The following DDX10 variants were observed in gnomAD, a reference collection of about 807,000 sequenced individuals.
The protein encoded by DDX10 is DEAD-box helicase 10.
DDX10 carries 74 observed loss-of-function variants against 104.3 expected under a neutral mutation model. The observed-to-expected ratio is 0.71, with a 90% CI of 0.59 to 0.86. The LOEUF is 0.86. DDX10 is among the 40% of genes least tolerant of loss of function. DDX10 has a pLI of 0.00. For synonymous variants in DDX10, 351 were observed against 353.4 expected (o/e 0.99, Z 0.08); for missense variants, 952 against 1,040.0 (o/e 0.92, Z 1.16).
intron 13 of DDX10, among the ~76,000 whole-genome samples, chr11:108,813,967 G>C (rs1216523255): frequency 1.3e-5 from 2 of 152,094 alleles, no homozygotes; most frequent in Non-Finnish European, 1.5e-5. Context: ...TTTCTTGTCA[G>C]AGTTTTCTGA....
chr11:108,687,074 T>G (rs1379883537), intron 6 of DDX10, among the ~76,000 whole-genome samples: 1 of 152,166 alleles, frequency 6.6e-6, no homozygotes, highest in Non-Finnish European at 1.5e-5. Flanking sequence ...CATGAGTCAC[T>G]GCGCCCGGCC....
chr11:108,736,644 C>T (rs1448683802), intron 13 of DDX10, among the ~76,000 whole-genome samples: 1 of 152,128 alleles, frequency 6.6e-6, no homozygotes, highest in Non-Finnish European at 1.5e-5. Flanking sequence ...AAAAAGGCTT[C>T]TTGTAGTGTT....
At chr11:108,741,847 A>G (rs2094325624) in intron 13 of DDX10, among the ~76,000 whole-genome samples, 1 of 152,132 alleles carries the variant, frequency 6.6e-6, no homozygotes, top group African/African-American at 2.4e-5. Flanking sequence ...AAGATCTCAA[A>G]TTAATAACCT....
At chr11:108,724,389 C>G (rs1403711262) in intron 13 of DDX10, among the ~76,000 whole-genome samples, 2 of 151,846 alleles carry the variant, frequency 1.3e-5, no homozygotes, top group African/African-American at 4.8e-5. Flanking sequence ...AAGGTCGTTA[C>G]TACTATCTCA....
intron 13 of DDX10, among the ~76,000 whole-genome samples, chr11:108,731,024 C>G (rs987571767): frequency 6.6e-6 from 1 of 151,860 alleles, no homozygotes; most frequent in African/African-American, 2.4e-5. Flanking sequence ...TCGTGGTTCT[C>G]CAGTTGAAAT....
At chr11:108,919,825 C>T (rs1247229106) in intron 17 of DDX10, 1 of 152,150 alleles carries the variant, frequency 6.6e-6, no homozygotes, top group Non-Finnish European at 1.5e-5. Context: ...TTTAATTCTT[C>T]TGCCATTTCT....
chr11:108,868,411 A>G (rs1379173097), intron 16 of DDX10: 1 of 151,940 alleles, frequency 6.6e-6, no homozygotes, highest in African/African-American at 2.4e-5. Context: ...TAGAGTAAGA[A>G]ATACATTTTC....
chr11:108,783,597 G>A (rs1861742966), intron 13 of DDX10, among the ~76,000 whole-genome samples: 1 of 152,218 alleles, frequency 6.6e-6, no homozygotes, highest in South Asian at 2.1e-4. Flanking sequence ...TCAGGAGGAT[G>A]TGGGAGGGGT....
intron 17 of DDX10, chr11:108,919,975 A>G: frequency 6.6e-6 from 1 of 151,652 alleles, no homozygotes; most frequent in African/African-American, 2.4e-5. Flanking sequence ...TGGTACCAAC[A>G]CTTAACTGCT....
Position 108,723,126 on chromosome 11 carries a change from C to T in DDX10, c.1629C>T (p.Asp543=), listed in dbSNP as rs769612753. The T allele has an allele frequency of 2.4e-5, 38 of 1,613,700 alleles. No homozygotes were observed. The highest frequency in any genetic ancestry group is 4.4e-5 in the South Asian group (4 of 91,064). Residue 543 remains aspartate, a synonymous_variant, in exon 13 of 18, where the codon GAC becomes GAT. Transcript: ENST00000322536. ...IEPRAPSLTN[D]EVEEFRAYFN... ...CAAGGGCTCCCTCCCTCACCAATGA[C>T]GAAGTGGAAGAATTTAGAGCCTACT... is the stretch of plus-strand genomic sequence containing the variant.
At chr11:108,695,375 C>T (rs958040950) in intron 9 of DDX10, among the ~76,000 whole-genome samples, 1 of 152,156 alleles carries the variant, frequency 6.6e-6, no homozygotes, top group Non-Finnish European at 1.5e-5. Context: ...CCAATGGTTG[C>T]TTCCAATTTC....
intron 13 of DDX10, among the ~76,000 whole-genome samples, chr11:108,754,171 G>A (rs533398350): frequency 2.6e-5 from 4 of 151,962 alleles, no homozygotes; most frequent in Non-Finnish European, 4.4e-5. Flanking sequence ...GAAGTGAATC[G>A]TTTAGCTGAA....
At chr11:108,737,467 A>G (rs1328744002) in intron 13 of DDX10, among the ~76,000 whole-genome samples, 3 of 152,228 alleles carry the variant, frequency 2.0e-5, no homozygotes, top group Non-Finnish European at 4.4e-5. Context: ...ATAACAAATG[A>G]TTGAAAACAG....
Position 108,696,197 on chromosome 11 carries a change from G to A in DDX10, c.1223+2597G>A, listed in dbSNP as rs568135696. On this transcript the variant is annotated intron_variant, in intron 9 of 17. Transcript: ENST00000322536. ...TTTTGTTCTGTTTTGTTTTTTTTGA[G>A]ACAGAGTGTCGCTCTGTCACCCAGG... Among the ~76,000 whole-genome samples, 5 of 152,000 alleles carry A rather than the reference G, an allele frequency of 3.3e-5. No homozygotes were observed. In the East Asian group the frequency reaches 9.7e-4, roughly 29 times the overall value.
chr11:108,891,062 C>T (rs1400401659), intron 16 of DDX10, among the ~76,000 whole-genome samples: 1 of 152,108 alleles, frequency 6.6e-6, no homozygotes, highest in East Asian at 1.9e-4. Flanking sequence ...TGTCTCAAAT[C>T]CACGTCCTGC....
chr11:108,906,972 A>T (rs1452380911), intron 16 of DDX10, among the ~76,000 whole-genome samples: 1 of 152,196 alleles, frequency 6.6e-6, no homozygotes, highest in East Asian at 1.9e-4. Context: ...TTTTATACCA[A>T]TGCTCAGCAC....
intron 9 of DDX10, among the ~76,000 whole-genome samples, chr11:108,695,972 G>A (rs1445954014): frequency 6.6e-6 from 1 of 152,112 alleles, no homozygotes; most frequent in Admixed American, 6.6e-5. Flanking sequence ...AATTAATGAT[G>A]TAGTTTTAAA....
chr11:108,714,398 A>G (rs1448840903), intron 10 of DDX10, among the ~76,000 whole-genome samples: 1 of 152,172 alleles, frequency 6.6e-6, no homozygotes, highest in African/African-American at 2.4e-5. Context: ...TGTGTTGTCC[A>G]TCTTTATCAT....
At chr11:108,748,043 A>C (rs1236375483) in intron 13 of DDX10, among the ~76,000 whole-genome samples, 1 of 152,234 alleles carries the variant, frequency 6.6e-6, no homozygotes, top group African/African-American at 2.4e-5. Context: ...CTTTGGACAC[A>C]GTATAAAATC....
Sources: allele counts gnomAD v4.1 joint callset (sites outside exome capture counted in the v4.1 genomes callset), GRCh38; gene constraint gnomAD v4.1.1; transcripts MANE v1.5; gene names NCBI Gene and HGNC (gene_info 2026-07-23, HGNC 2026-07-21).